Variants in RSBN1 observed in about 807,000 individuals in gnomAD.
RSBN1 encodes round spermatid basic protein 1.
A neutral mutation model predicts 74.8 loss-of-function variants in RSBN1; 23 were observed. The ratio of observed to expected loss-of-function variants is 0.31; its 90% CI spans 0.22 to 0.44. The LOEUF (loss-of-function observed/expected upper bound fraction) is 0.44, where lower values mean the gene tolerates loss of function less well. RSBN1 is among the 20% of genes least tolerant of loss of function. The probability of loss-of-function intolerance (pLI) is 1.00; values close to 1 mark genes in which losing one functional copy is unlikely to be tolerated. For missense variants in RSBN1, 808 were observed against 1,020.9 expected (o/e 0.79, Z 2.84); for synonymous variants, 407 against 379.6 (o/e 1.07, Z -0.84).
chr1:113,806,000 T>C (rs1660692035), intron 1 of RSBN1, among the ~76,000 whole-genome samples: 1 of 152,222 alleles, frequency 6.6e-6, no homozygotes, highest in Non-Finnish European at 1.5e-5. Context: ...AGTTTAAATT[T>C]CGTATGATTT....
At chr1:113,784,329 A>T (rs1378263359) in intron 2 of RSBN1, among the ~76,000 whole-genome samples, 2 of 152,168 alleles carry the variant, frequency 1.3e-5, no homozygotes, top group African/African-American at 4.8e-5. Context: ...ACTTACACAA[A>T]TCTAAGTGGT....
At chr1:113,788,424 A>G (rs1660301692) in intron 2 of RSBN1, among the ~76,000 whole-genome samples, 1 of 152,136 alleles carries the variant, frequency 6.6e-6, no homozygotes. Flanking sequence ...ATTATTCTTT[A>G]TATCTGCGTC....
chr1:113,788,639 T>C (rs2101809400), intron 2 of RSBN1, among the ~76,000 whole-genome samples: 1 of 152,280 alleles, frequency 6.6e-6, no homozygotes, highest in South Asian at 2.1e-4. Context: ...GCAATGCCTT[T>C]ATAAAGCTAA....
At chr1:113,795,607 G>A (rs1181300315) in intron 2 of RSBN1, among the ~76,000 whole-genome samples, 2 of 152,162 alleles carry the variant, frequency 1.3e-5, no homozygotes, top group Admixed American at 6.5e-5. Context: ...TTCTTATGTG[G>A]TTGAAGCGTT....
At chr1:113,808,350 AACAGTG>A (rs1310078656) in intron 1 of RSBN1, among the ~76,000 whole-genome samples, 5 of 152,204 alleles carry the variant, frequency 3.3e-5, no homozygotes, top group Non-Finnish European at 5.9e-5. Context: ...TTGTTTAGGG[AACAGTG>A]ACAAGAAAAA....
Position 113,787,466 on chromosome 1 carries a change from C to A in RSBN1, c.1378-9658G>T, listed in dbSNP as rs1042032748. ...CAAGAACAAAGCATGCAACTAAAAA[C>A]AAAAAAGGTGGGTTTAAAATCTGCT... is the stretch of plus-strand genomic sequence containing the variant. On this transcript the variant is annotated intron_variant, in intron 2 of 6. Coordinates refer to ENST00000261441, the MANE Select transcript of RSBN1 (RefSeq NM_018364.5). 4.0e-4 allele frequency among the ~76,000 whole-genome samples: 61 copies of A among 152,052 alleles called. 1 individual carries two copies. Among genetic ancestry groups the A allele is most frequent in the Non-Finnish European group, 1.2e-4 (8 of 67,982 alleles).
chr1:113,804,321 T>C (rs919391912), intron 1 of RSBN1, among the ~76,000 whole-genome samples: 4 of 152,174 alleles, frequency 2.6e-5, no homozygotes, highest in Non-Finnish European at 5.9e-5. Context: ...ATAGGGACCA[T>C]ATATGTTATT....
Position 113,797,889 on chromosome 1 carries a change from C to A in RSBN1, c.851G>T (p.Gly284Val). 1 of 1,613,538 alleles carries A rather than the reference C, an allele frequency of 6.2e-7. No homozygotes were observed. The highest frequency in any genetic ancestry group is 8.5e-7 in the Non-Finnish European group (1 of 1,179,914). ...YNKEVQTVCA[G>V]LTRISKEILT... ...AATTTCTTTACTGATGCGGGTCAGGCCAGCACAGACGGTTTGTACTTCCTT... is the reference window on the plus strand; with the variant it reads ...AATTTCTTTACTGATGCGGGTCAGGACAGCACAGACGGTTTGTACTTCCTT... The change falls in exon 2 of 7, where the codon GGC becomes GTC. Residue 284 changes from glycine (G) to valine (V), a missense_variant. Gly to Val is a moderately radical substitution (Grantham distance 109). Coordinates refer to ENST00000261441, the MANE Select transcript of RSBN1 (RefSeq NM_018364.5).
At chr1:113,785,005 C>T (rs1470666149) in intron 2 of RSBN1, among the ~76,000 whole-genome samples, 1 of 152,078 alleles carries the variant, frequency 6.6e-6, no homozygotes, top group Non-Finnish European at 1.5e-5. Context: ...TTTTTATAAA[C>T]TTTATGAGTT....
At position 113,762,724 on chromosome 1, in the gene RSBN1, A is replaced by G. The variant is rs1659701819; in HGVS notation, c.*3256T>C. Reference sequence around the variant, plus strand: ...CCTATATTAGCTTTCATTCTAGACAATTAATATTTATATAGGGAAAGGCAA... The same window carrying G: ...CCTATATTAGCTTTCATTCTAGACAGTTAATATTTATATAGGGAAAGGCAA... On this transcript the variant is annotated 3_prime_UTR_variant, in exon 7 of 7. Transcript: ENST00000261441. The G allele has an allele frequency of 6.5e-6, 1 of 152,760 alleles. No homozygotes were observed. Among genetic ancestry groups the G allele is most frequent in the African/African-American group, 2.4e-5 (1 of 41,448 alleles). The allele number at this position is 152,760 out of a possible 1,614,324, so 9.5% of individuals were successfully genotyped here. A position where few individuals can be genotyped will look rare whatever the true frequency, so the allele number is the denominator to read the frequency against.
intron 2 of RSBN1, among the ~76,000 whole-genome samples, chr1:113,781,315 T>A (rs1660135812): frequency 6.6e-6 from 1 of 152,200 alleles, no homozygotes; most frequent in East Asian, 1.9e-4. Flanking sequence ...ACATCTCATA[T>A]CATTGCAATC....
chr1:113,792,319 T>C (rs769179683), intron 2 of RSBN1, among the ~76,000 whole-genome samples: 2 of 152,212 alleles, frequency 1.3e-5, no homozygotes, highest in African/African-American at 2.4e-5. Context: ...TTTTAGTGTT[T>C]GTTATTATTT....
intron 6 of RSBN1, 95 bp downstream of exon 6, chr1:113,767,004 T>A: frequency 3.2e-6 from 2 of 618,474 alleles, no homozygotes; most frequent in Non-Finnish European, 2.7e-6. Context: ...AAACTCACTA[T>A]CCCACATATC....
At position 113,812,120 on chromosome 1, in the gene RSBN1, T is replaced by C. The variant is rs778901063; in HGVS notation, c.293A>G (p.Glu98Gly). 1 of 1,604,372 alleles carries C rather than the reference T, an allele frequency of 6.2e-7. No homozygotes were observed. The highest frequency in any genetic ancestry group is 8.5e-7 in the Non-Finnish European group (1 of 1,176,280). Residue 98 changes from glutamate to glycine, a missense_variant, in exon 1 of 7, where the codon GAG (glutamate) becomes GGG (glycine). Glu to Gly is a moderately conservative substitution (Grantham distance 98, BLOSUM62 -2). Around this residue, in one of 6 missense-constraint regions of RSBN1, gnomAD observed 464 missense variants for 401.0 expected, o/e 1.16. Coordinates refer to ENST00000261441, the MANE Select transcript of RSBN1 (RefSeq NM_018364.5). ...QRRSSSGGSQEKRGRPSQEPP... is the reference protein window; with the variant it reads ...QRRSSSGGSQGKRGRPSQEPP... ...CTCCTGGCTCGGCCGCCCCCGCTTC[T>C]CCTGAGACCCCCCACTGCTAGATCG... is the stretch of plus-strand genomic sequence containing the variant.
intron 1 of RSBN1, among the ~76,000 whole-genome samples, chr1:113,810,494 T>C (rs951759683): frequency 6.6e-6 from 1 of 151,974 alleles, no homozygotes; most frequent in African/African-American, 2.4e-5. Flanking sequence ...AAACTGGCAG[T>C]CCTGTCATCT....
chr1:113,812,309 C>G lies in RSBN1; in HGVS notation c.104G>C (p.Gly35Ala), dbSNP rs374756604. The G allele has an allele frequency of 1.1e-5, 17 of 1,604,298 alleles. No homozygotes were observed. Among genetic ancestry groups the G allele is most frequent in the Admixed American group, 1.7e-5 (1 of 60,008 alleles). Reference protein sequence around the residue: ...ARAALARCADGGAVGPFKCVF... With the variant: ...ARAALARCADAGAVGPFKCVF... ...ACATTTAAATGGCCCGACCGCCCCC[C>G]CGTCCGCGCATCGCGCAAGCGCCGC... The change falls in exon 1 of 7, where the codon GGG becomes GCG. Residue 35 changes from glycine to alanine, a missense_variant. Gly to Ala is a moderately conservative substitution (Grantham distance 60, BLOSUM62 0). Transcript: ENST00000261441.
intron 2 of RSBN1, among the ~76,000 whole-genome samples, chr1:113,787,364 AT>A (rs1183805748): frequency 2.0e-5 from 3 of 152,254 alleles, no homozygotes; most frequent in African/African-American, 7.2e-5. Context: ...GATACAAGCT[AT>A]CAAAATGTTT....
At chr1:113,800,882 TAAAGA>T (rs960586654) in intron 1 of RSBN1, among the ~76,000 whole-genome samples, 3 of 151,048 alleles carry the variant, frequency 2.0e-5, no homozygotes, top group South Asian at 2.1e-4. Context: ...AACCACTGTA[TAAAGA>T]AAAGAATCTT....
Position 113,777,263 on chromosome 1 carries a change from T to C in RSBN1, c.1605A>G (p.Gly535=), listed in dbSNP as rs1660050387. 6.2e-7 allele frequency: 1 copy of C among 1,613,870 alleles called. No homozygotes were observed. Among genetic ancestry groups the C allele is most frequent in the Admixed American group, 1.7e-5 (1 of 60,024 alleles). The change falls in exon 4 of 7, where the codon GGA becomes GGG. Residue 535 remains glycine, a synonymous_variant. Coordinates refer to ENST00000261441, the MANE Select transcript of RSBN1 (RefSeq NM_018364.5). ...DDGPIMWVRP[G]EQMIPTADMP... is the part of the protein sequence containing the mutation. ...TATCTGCTGTAGGGATCATCTGTTC[T>C]CCTGGCCTTACCCACATTATAGGCC...
Sources: gnomAD v4.1 joint callset for allele counts (sites outside exome capture counted in the v4.1 genomes callset) on GRCh38, gnomAD v4.1.1 for gene constraint, gnomAD v4.1.1 regional missense constraint, MANE v1.5 for transcripts, NCBI Gene and HGNC (gene_info 2026-07-23, HGNC 2026-07-21) for gene names.